The following CHEK1 variants were observed in gnomAD, a reference collection of about 807,000 sequenced individuals.
CHEK1 encodes the protein checkpoint kinase 1.
A neutral mutation model predicts 60.2 loss-of-function variants in CHEK1; 32 were observed. The observed-to-expected ratio is 0.53, with a 90% confidence interval of 0.40 to 0.71. The LOEUF (loss-of-function observed/expected upper bound fraction) is 0.71, where lower values mean the gene tolerates loss of function less well. Ranked by LOEUF, CHEK1 falls within the 30% of genes least tolerant of loss-of-function variation. The pLI is 0.00. For missense variants in CHEK1, 399 were observed against 564.6 expected (o/e 0.71, Z 2.97); for synonymous variants, 179 against 187.2 (o/e 0.96, Z 0.36).
Position 125,633,274 on chromosome 11 carries a change from TGAAGA to T in CHEK1, c.545_549del (p.Arg182IlefsTer7), listed in dbSNP as rs767908568. ...TTACCATATGTTGCTCCAGAACTTC[TGAAGA>T]GAAGAGAATTTCATGCAGAACCAGT... On this transcript the variant is annotated frameshift_variant, in exon 6 of 13. Transcript: ENST00000438015. LOFTEE classifies it high-confidence loss of function. 1 of 1,607,904 alleles carries T rather than the reference TGAAGA, an allele frequency of 6.2e-7. No individual in the cohort carries two copies. Among genetic ancestry groups the T allele is most frequent in the Non-Finnish European group, 8.5e-7 (1 of 1,178,336 alleles).
At chr11:125,628,629 T>A (rs1940725271) in intron 3 of CHEK1, among the ~76,000 whole-genome samples, 1 of 152,094 alleles carries the variant, frequency 6.6e-6, no homozygotes, top group Non-Finnish European at 1.5e-5. Context: ...CTATATGAAG[T>A]TTAAATCTGA....
At chr11:125,657,926 A>C (rs1941949410), downstream of CHEK1, among the ~76,000 whole-genome samples, 1 of 152,236 alleles carries the variant, frequency 6.6e-6, no homozygotes, top group South Asian at 2.1e-4. Context: ...TTTCCATAGG[A>C]GAAAAGTGTA....
downstream of CHEK1, among the ~76,000 whole-genome samples, chr11:125,680,019 T>C (rs1054850192): frequency 1.3e-5 from 2 of 152,370 alleles, no homozygotes; most frequent in East Asian, 3.9e-4. Flanking sequence ...ATGACTCGTG[T>C]CACCATGTGA....
chr11:125,643,658 A>G, intron 8 of CHEK1, 134 bp from the exon 9 acceptor site: 1 of 634,212 alleles, frequency 1.6e-6, no homozygotes, highest in Non-Finnish European at 2.7e-6. Context: ...ACTTTGTTTT[A>G]TATCTTACAA....
chr11:125,664,383 G>A (rs201601916), intron 13 of CHEK1, among the ~76,000 whole-genome samples: 5 of 151,670 alleles, frequency 3.3e-5, no homozygotes, highest in Admixed American at 6.6e-5. Flanking sequence ...ACAGGCACCC[G>A]CCACTACGCC....
chr11:125,668,172 A>C (rs1412970808), intron 13 of CHEK1, among the ~76,000 whole-genome samples: 1 of 152,200 alleles, frequency 6.6e-6, no homozygotes, highest in Non-Finnish European at 1.5e-5. Context: ...AGTCCTAACA[A>C]TGTCTTTTGT....
chr11:125,654,205 C>T (rs774520603), intron 12 of CHEK1, among the ~76,000 whole-genome samples: 1 of 152,016 alleles, frequency 6.6e-6, no homozygotes, highest in African/African-American at 2.4e-5. Context: ...TGGCGGGTGC[C>T]TGTAATCCCA....
rs1163406822 is a variant in CHEK1, at chr11:125,653,493, G to GC, written c.1234-251dup. On this transcript the variant is annotated intron_variant, in intron 11 of 12. Transcript: ENST00000438015. The surrounding 1 kb of genome is among the most constrained non-coding windows in gnomAD (Gnocchi z 4.3). ...CTGGATTACAGGCGTGAGCCACAGTGCCTGGCCTACACTCATCTGTTGTTG... is the reference window on the plus strand; with the variant it reads ...CTGGATTACAGGCGTGAGCCACAGTGCCCTGGCCTACACTCATCTGTTGTTG... 2.0e-5 allele frequency among the ~76,000 whole-genome samples: 3 copies of GC among 152,194 alleles called. No homozygotes were observed. The highest frequency in any genetic ancestry group is 7.2e-5 in the African/African-American group (3 of 41,444).
chr11:125,678,406 G>T (rs1591439568), downstream of CHEK1: 1 of 1,322,694 alleles, frequency 7.6e-7, no homozygotes, highest in Non-Finnish European at 1.0e-6. Context: ...GTTTCCTATG[G>T]GCCTAGATTG....
rs543858715 is a variant in CHEK1, at chr11:125,669,612, C to T, written c.*28-6316C>T. On this transcript the variant is annotated intron_variant, in intron 13 of 13. Transcript: ENST00000428830. ...GATCTCGGCTCACTGCAACCTCCGCCTCCCGGGTTTAAGTGATTCTCCTGC... is the reference window on the plus strand; with the variant it reads ...GATCTCGGCTCACTGCAACCTCCGCTTCCCGGGTTTAAGTGATTCTCCTGC... Among the ~76,000 whole-genome samples, 46 of 150,538 alleles carry T rather than the reference C, an allele frequency of 3.1e-4. No homozygotes were observed. In the South Asian group the frequency reaches 8.8e-3, roughly 29 times the overall value.
At chr11:125,626,090 G>C (rs1940584537) in intron 1 of CHEK1, 78 bp downstream of exon 1, 2 of 658,162 alleles carry the variant, frequency 3.0e-6, no homozygotes, top group Middle Eastern at 4.9e-4. Flanking sequence ...GGGAGGGCAT[G>C]GTGGGAGAAA....
intron 7 of CHEK1, 74 bp from the exon 8 acceptor site, chr11:125,637,375 G>A (rs1941111947): frequency 8.8e-7 from 1 of 1,131,758 alleles, no homozygotes; most frequent in Non-Finnish European, 1.3e-6. Flanking sequence ...AACAGAAAAT[G>A]TGTTTCTTAC....
At chr11:125,641,676 G>T (rs1308141411) in intron 8 of CHEK1, among the ~76,000 whole-genome samples, 1 of 151,988 alleles carries the variant, frequency 6.6e-6, no homozygotes, top group Non-Finnish European at 1.5e-5. Context: ...TTATTATGCA[G>T]ATCAGAAACT....
intron 13 of CHEK1, among the ~76,000 whole-genome samples, chr11:125,668,691 T>C (rs1454258262): frequency 6.6e-6 from 1 of 152,164 alleles, no homozygotes; most frequent in Non-Finnish European, 1.5e-5. Flanking sequence ...TAACTGGGAC[T>C]ATAGGCGCAT....
intron 8 of CHEK1, 48 bp downstream of exon 8, chr11:125,637,592 G>T: frequency 2.2e-6 from 3 of 1,355,462 alleles, no homozygotes; most frequent in African/African-American, 1.4e-5. Flanking sequence ...TGGAAGAAAA[G>T]GTAATTGCAA....
At chr11:125,635,198 G>A (rs1282245586) in intron 6 of CHEK1, among the ~76,000 whole-genome samples, 5 of 151,940 alleles carry the variant, frequency 3.3e-5, no homozygotes, top group African/African-American at 1.2e-4. Flanking sequence ...GGCTCAAGCA[G>A]TCCTTCTGCC....
chr11:125,678,954 TA>T (rs1171041691), downstream of CHEK1, among the ~76,000 whole-genome samples: 178 of 82,918 alleles, frequency 2.1e-3, 2 homozygotes, highest in African/African-American at 4.0e-3. Flanking sequence ...GCTATTAAGG[TA>T]AAAAAAAAAA....
At position 125,655,188 on chromosome 11, in the gene CHEK1, G is replaced by GTTTTT. The variant is rs1388573554; in HGVS notation, c.1336-33_1336-32insTTTTT. The stretch of plus-strand genomic sequence containing the variant: ...AGGACAGAATTTTGTTTTTGTTTTT[G>GTTTTT]TTTTGACATAATTTTTTAATACTAT... On this transcript the variant is annotated intron_variant, in intron 12 of 12. Transcript: ENST00000438015. 3 of 1,520,348 alleles carry GTTTTT rather than the reference G, an allele frequency of 2.0e-6. No homozygotes were observed. In the African/African-American group the frequency reaches 4.2e-5, roughly 21 times the overall value. The allele number at this position is 1,520,348 out of a possible 1,614,324, so 94.2% of individuals were successfully genotyped here.
At chr11:125,644,427 T>TA in intron 10 of CHEK1, 85 bp from the exon 11 acceptor site, 1 of 1,527,584 alleles carries the variant, frequency 6.5e-7, no homozygotes. Flanking sequence ...TCATGCAAAA[T>TA]AATTTTAAGT....
Sources: gnomAD v4.1 joint callset for allele counts (sites outside exome capture counted in the v4.1 genomes callset) on GRCh38, gnomAD v4.1.1 for gene constraint, Gnocchi (gnomAD v3.1) non-coding constraint, MANE v1.5 for transcripts, NCBI Gene and HGNC (gene_info 2026-07-23, HGNC 2026-07-21) for gene names.